CACNA2D1: variants seen among roughly 807,000 people sequenced by gnomAD.
The protein encoded by CACNA2D1 is calcium voltage-gated channel auxiliary subunit alpha2delta 1.
CACNA2D1 carries 53 observed loss-of-function variants against 171.5 expected under a neutral mutation model. That is an observed-to-expected ratio of 0.31 (90% CI 0.25 to 0.39). The LOEUF (loss-of-function observed/expected upper bound fraction) is 0.39, where lower values mean the gene tolerates loss of function less well. CACNA2D1 is among the 10% of genes least tolerant of loss of function. The pLI is 1.00. For missense variants in CACNA2D1, 903 were observed against 1,299.8 expected (o/e 0.69, Z 4.69); for synonymous variants, 442 against 443.1 (o/e 1.00, Z 0.03).
chr7:82,005,007 T>C (rs1283816547), intron 18 of CACNA2D1, among the ~76,000 whole-genome samples: 1 of 152,112 alleles, frequency 6.6e-6, no homozygotes. Flanking sequence ...TTCTGGGAGA[T>C]GGAAAGCAGA....
intron 1 of CACNA2D1, among the ~76,000 whole-genome samples, chr7:82,437,287 G>A (rs1167880128): frequency 3.3e-5 from 5 of 151,982 alleles, no homozygotes. Flanking sequence ...AATAACATTG[G>A]AATTGCTTTC....
chr7:82,022,566 T>C (rs1251766510), intron 12 of CACNA2D1, among the ~76,000 whole-genome samples: 1 of 151,842 alleles, frequency 6.6e-6, no homozygotes, highest in Non-Finnish European at 1.5e-5. Context: ...GCAGAGACAT[T>C]AGATATGCAA....
chr7:82,273,337 GGATT>G lies in CACNA2D1; in HGVS notation c.294+61794_294+61797del, dbSNP rs1322886715. 2.6e-5 allele frequency among the ~76,000 whole-genome samples: 4 copies of G among 151,844 alleles called. No individual in the cohort carries two copies. In the East Asian group the frequency reaches 5.8e-4, roughly 22 times the overall value. Reference sequence around the variant, plus strand: ...CTATTTCTATATAAAAATGTTTACAGGATTGATATTTGTGGTATTAAAAACTGGA... The same window carrying G: ...CTATTTCTATATAAAAATGTTTACAGGATATTTGTGGTATTAAAAACTGGA... On this transcript the variant is annotated intron_variant, in intron 3 of 38. Coordinates refer to ENST00000356860, the MANE Select transcript of CACNA2D1 (RefSeq NM_000722.4).
chr7:82,432,479 G>A (rs1004334376), intron 1 of CACNA2D1, among the ~76,000 whole-genome samples: 3 of 152,190 alleles, frequency 2.0e-5, no homozygotes, highest in African/African-American at 7.2e-5. Context: ...TTTAACCAAG[G>A]ATATGCTTTG....
Position 82,184,629 on chromosome 7 carries a change from A to C in CACNA2D1, c.295-14020T>G, listed in dbSNP as rs1007219070. ...CACGTTTTTTAGATATAAAGCTTCTAAGCAGTGACAAATTTTAAGCTCTCG... is the reference window on the plus strand; with the variant it reads ...CACGTTTTTTAGATATAAAGCTTCTCAGCAGTGACAAATTTTAAGCTCTCG... On this transcript the variant is annotated intron_variant, in intron 3 of 38. Transcript: ENST00000356860. Among the ~76,000 whole-genome samples, 7 of 152,252 alleles carry C rather than the reference A, an allele frequency of 4.6e-5. No homozygotes were observed. The South Asian group carries it at 1.5e-3, about 32-fold the overall frequency.
chr7:81,957,244 A>G (rs1793506817), intron 38 of CACNA2D1, among the ~76,000 whole-genome samples: 1 of 152,144 alleles, frequency 6.6e-6, no homozygotes, highest in African/African-American at 2.4e-5. Context: ...AACTTTATGA[A>G]AAATGATTTT....
At chr7:82,046,903 A>G (rs1314575499) in intron 10 of CACNA2D1, among the ~76,000 whole-genome samples, 1 of 152,160 alleles carries the variant, frequency 6.6e-6, no homozygotes, top group African/African-American at 2.4e-5. Context: ...TCTTGGATGG[A>G]TTTCTGAATA....
chr7:82,271,205 C>CA (rs1441115664), intron 3 of CACNA2D1, among the ~76,000 whole-genome samples: 1 of 152,000 alleles, frequency 6.6e-6, no homozygotes, highest in Admixed American at 6.6e-5. Context: ...TAGAGTCTAC[C>CA]ATCACCTCAA....
chr7:82,310,508 T>C (rs1814314359), intron 3 of CACNA2D1, among the ~76,000 whole-genome samples: 1 of 152,066 alleles, frequency 6.6e-6, no homozygotes, highest in South Asian at 2.1e-4. Context: ...TTTATTAATA[T>C]GGTTGTTAAA....
intron 10 of CACNA2D1, among the ~76,000 whole-genome samples, chr7:82,038,680 G>A (rs1005370634): frequency 1.3e-5 from 2 of 152,142 alleles, no homozygotes; most frequent in African/African-American, 2.4e-5. Context: ...TGAATAACAT[G>A]AATCAATGTT....
intron 3 of CACNA2D1, among the ~76,000 whole-genome samples, chr7:82,204,205 G>A (rs1275250072): frequency 6.6e-6 from 1 of 152,220 alleles, no homozygotes; most frequent in Non-Finnish European, 1.5e-5. Flanking sequence ...GGACAAAGTA[G>A]TCAATGGGCT....
Position 81,949,502 on chromosome 7 carries a change from C to G in CACNA2D1, c.*890G>C, listed in dbSNP as rs879928752. ...AATAGCAGCAGCATCATGCAAAATA[C>G]CCTTGGTAAACCAAAGTTCATTTAT... is the stretch of plus-strand genomic sequence containing the variant. On this transcript the variant is annotated 3_prime_UTR_variant, in exon 39 of 39. Transcript: ENST00000356860. The G allele has an allele frequency of 1.3e-5, 2 of 152,062 alleles. No individual in the cohort carries two copies. The highest frequency in any genetic ancestry group is 4.8e-5 in the African/African-American group (2 of 41,406). The allele number at this position is 152,062 out of a possible 1,614,324, so 9.4% of individuals were successfully genotyped here.
chr7:82,165,927 C>T (rs555197418), intron 4 of CACNA2D1, among the ~76,000 whole-genome samples: 4 of 152,130 alleles, frequency 2.6e-5, no homozygotes, highest in South Asian at 4.1e-4. Context: ...GACAATGCTA[C>T]GCTCTCACTT....
intron 6 of CACNA2D1, among the ~76,000 whole-genome samples, chr7:82,100,820 C>A (rs533941296): frequency 2.3e-5 from 3 of 132,246 alleles, no homozygotes; most frequent in East Asian, 2.3e-4. Flanking sequence ...ATTTCCTGAA[C>A]TTTTTAACTT....
intron 1 of CACNA2D1, among the ~76,000 whole-genome samples, chr7:82,406,633 T>C (rs971234995): frequency 6.6e-6 from 1 of 152,118 alleles, no homozygotes; most frequent in Non-Finnish European, 1.5e-5. Flanking sequence ...TTGCATTTCT[T>C]TAATGGCCAG....
intron 38 of CACNA2D1, among the ~76,000 whole-genome samples, chr7:81,957,029 GTAAAAAATC>G (rs1793463734): frequency 6.6e-6 from 1 of 151,980 alleles, no homozygotes; most frequent in Non-Finnish European, 1.5e-5. Flanking sequence ...TATTTTGAGA[GTAAAAAATC>G]TAAAAAGTTA....
chr7:82,162,904 T>A (rs1795092140), intron 4 of CACNA2D1, among the ~76,000 whole-genome samples: 1 of 152,074 alleles, frequency 6.6e-6, no homozygotes, highest in Non-Finnish European at 1.5e-5. Flanking sequence ...CTGTGCCTTG[T>A]ACTTTGCTTC....
intron 24 of CACNA2D1, among the ~76,000 whole-genome samples, chr7:81,979,014 C>T (rs1487146386): frequency 6.6e-6 from 1 of 151,778 alleles, no homozygotes; most frequent in Non-Finnish European, 1.5e-5. Context: ...AGTACTGATA[C>T]GTGCAACAAC....
In CACNA2D1 at chr7:82,050,415, C is replaced by T. The variant is rs984762088; in HGVS notation, c.879+10013G>A. 4.9e-5 allele frequency: 29 copies of T among 586,926 alleles called. No individual in the cohort carries two copies. The Admixed American group carries it at 8.3e-4, about 17-fold the overall frequency. 36.4% of individuals were successfully genotyped at this position (586,926 alleles called of 1,614,324 possible). Reference sequence around the variant, plus strand: ...CTTTGTTTGCACAAGCTGCCCAAACCTCAATTCCCACAGGATGACAGGAGG... The same window carrying T: ...CTTTGTTTGCACAAGCTGCCCAAACTTCAATTCCCACAGGATGACAGGAGG... On this transcript the variant is annotated intron_variant, in intron 10 of 38. Coordinates refer to ENST00000356860, the MANE Select transcript of CACNA2D1 (RefSeq NM_000722.4).
Sources: allele counts gnomAD v4.1 joint callset (sites outside exome capture counted in the v4.1 genomes callset), GRCh38; gene constraint gnomAD v4.1.1; transcripts MANE v1.5; gene names NCBI Gene and HGNC (gene_info 2026-07-23, HGNC 2026-07-21).